Variants in HTR2C observed in about 807,000 individuals in gnomAD.
HTR2C encodes the protein 5-hydroxytryptamine (serotonin) receptor 2C, G protein-coupled.
In HTR2C, 5 loss-of-function variants were observed where a neutral mutation model predicts 21.0. The observed-to-expected ratio is 0.24, with a 90% CI of 0.12 to 0.50. The LOEUF is 0.50. Among genes scored for constraint, HTR2C ranks in the 20% least tolerant of loss-of-function variants. The pLI is 0.98. For synonymous variants in HTR2C, 150 were observed against 145.3 expected, an observed-to-expected ratio of 1.03 and a Z score of -0.23; for missense variants, 271 against 371.2, an observed-to-expected ratio of 0.73 and a Z score of 2.22.
At chrX:114,862,797 A>G (rs781977776) in intron 5 of HTR2C, among the ~76,000 whole-genome samples, 2 of 111,098 alleles carry the variant, frequency 1.8e-5, no homozygotes, top group African/African-American at 6.5e-5. Context: ...ATTTTAAAAT[A>G]TACAATAGGT....
Position 114,722,031 on chromosome X carries a change from G to A in HTR2C, c.-79-4827G>A, listed in dbSNP as rs112062378. On this transcript the variant is annotated intron_variant, in intron 2 of 5. Coordinates refer to ENST00000276198, the MANE Select transcript of HTR2C (RefSeq NM_000868.4). ...TTTTTGGTTCCATATGAACTTTAAAGTATTTTTTTCCAATATTGTGAAGAA... is the reference window on the plus strand; with the variant it reads ...TTTTTGGTTCCATATGAACTTTAAAATATTTTTTTCCAATATTGTGAAGAA... Among the ~76,000 whole-genome samples, 930 of 109,925 alleles carry A rather than the reference G, an allele frequency of 8.5e-3. 11 individuals are homozygous for A. Among genetic ancestry groups the A allele is most frequent in the African/African-American group, 0.029 (879 of 30,169 alleles).
chrX:114,866,355 A>G (rs1398114640), intron 5 of HTR2C, among the ~76,000 whole-genome samples: 1 of 108,783 alleles, frequency 9.2e-6, no homozygotes, highest in African/African-American at 3.3e-5. Context: ...TTTGCTTCTA[A>G]GGTTTAATTA....
chrX:114,780,052 T>G (rs1464335344), intron 4 of HTR2C, among the ~76,000 whole-genome samples: 1 of 111,155 alleles, frequency 9.0e-6, no homozygotes, highest in Non-Finnish European at 1.9e-5. Flanking sequence ...ATAAAAACAA[T>G]ACAATATAAC....
chrX:114,612,373 ATGC>A (rs1407781686), intron 1 of HTR2C, among the ~76,000 whole-genome samples: 15 of 111,538 alleles, frequency 1.3e-4, no homozygotes, highest in Non-Finnish European at 1.9e-4. Context: ...TTTTTTGATC[ATGC>A]TTTATGTGTT....
rs1023836004 is a variant in HTR2C at position 114,782,398 on chromosome X, G to A, written c.349+50791G>A. On this transcript the variant is annotated intron_variant, in intron 4 of 5. Transcript: ENST00000276198. ...TGATGAATGTGTGAATAATTCTAATGAAATATTGACTTATAAAACAAAATT... is the reference window on the plus strand; with the variant it reads ...TGATGAATGTGTGAATAATTCTAATAAAATATTGACTTATAAAACAAAATT... Among the ~76,000 whole-genome samples the A allele has an allele frequency of 3.6e-5, 4 of 111,569 alleles. No individual in the cohort carries two copies. The Admixed American group carries it at 3.8e-4, about 11-fold the overall frequency.
At position 114,624,400 on chromosome X, in the gene HTR2C, A is replaced by T. The variant is rs782461341; in HGVS notation, c.-80+10519A>T. On this transcript the variant is annotated intron_variant, in intron 2 of 5. Coordinates refer to ENST00000276198, the MANE Select transcript of HTR2C (RefSeq NM_000868.4). ...ATCTCTGCAAATTCATTTTGACAAA[A>T]CACATCATATTCTCCTAGATATAAA... Among the ~76,000 whole-genome samples, 16 of 112,008 alleles carry T rather than the reference A, an allele frequency of 1.4e-4. No homozygotes were observed. The East Asian group carries it at 4.5e-3, about 31-fold the overall frequency.
At chrX:114,845,574 C>T (rs868934550) in intron 4 of HTR2C, among the ~76,000 whole-genome samples, 3 of 110,859 alleles carry the variant, frequency 2.7e-5, no homozygotes, top group South Asian at 3.7e-4. Flanking sequence ...TAAAACCAAA[C>T]GTTTTCCTTT....
chrX:114,605,323 AGAATTG>A lies in HTR2C; in HGVS notation c.-146-8490_-146-8485del, dbSNP rs1928361833. Among the ~76,000 whole-genome samples the A allele has an allele frequency of 3.6e-5, 4 of 110,586 alleles. No homozygotes were observed. In the South Asian group the frequency reaches 1.5e-3, roughly 42 times the overall value. On this transcript the variant is annotated intron_variant, in intron 1 of 5. Coordinates refer to ENST00000276198, the MANE Select transcript of HTR2C (RefSeq NM_000868.4). The stretch of plus-strand genomic sequence containing the variant: ...AGGGTGGAGGAGCAGAGGCTGAGGA[AGAATTG>A]GGACCTAGCTCGGCATGGCGAGGAG...
At chrX:114,805,660 CCATATATAT>C in intron 4 of HTR2C, among the ~76,000 whole-genome samples, 1 of 13,012 alleles carries the variant, frequency 7.7e-5, no homozygotes, top group South Asian at 5.7e-3. Context: ...CATATATATA[CCATATATAT>C]ACACCATATA....
Position 114,653,026 on chromosome X carries a change from A to T in HTR2C, c.-80+39145A>T, listed in dbSNP as rs1556408790. On this transcript the variant is annotated intron_variant, in intron 2 of 5. Transcript: ENST00000276198. The stretch of plus-strand genomic sequence containing the variant: ...CAGTCAATAAACTAAAACAAGAATT[A>T]TATCATCAATAAATCTTGTTATAAT... 2.8e-5 allele frequency among the ~76,000 whole-genome samples: 3 copies of T among 108,683 alleles called. No homozygotes were observed. The Admixed American group carries it at 3.0e-4, about 11-fold the overall frequency. The allele number at this position is 108,683 out of a possible 115,157, so 94.4% of individuals were successfully genotyped here. A position where few individuals can be genotyped will look rare whatever the true frequency, so the allele number is the denominator to read the frequency against.
chrX:114,823,687 G>A (rs1459331696), intron 4 of HTR2C: 10 of 275,688 alleles, frequency 3.6e-5, no homozygotes, highest in South Asian at 3.0e-4. Flanking sequence ...TTAGAGGAGG[G>A]TAGAGTACTG....
At chrX:114,687,587 GTTGACTTGT>G (rs1446349487) in intron 2 of HTR2C, among the ~76,000 whole-genome samples, 1 of 111,923 alleles carries the variant, frequency 8.9e-6, no homozygotes, top group Non-Finnish European at 1.9e-5. Flanking sequence ...AAAATTAACA[GTTGACTTGT>G]TTGTCTAATT....
chrX:114,664,579 C>T, intron 2 of HTR2C, among the ~76,000 whole-genome samples: 1 of 112,314 alleles, frequency 8.9e-6, no homozygotes, highest in South Asian at 3.7e-4. Context: ...CATAGTATTC[C>T]ATGGTGTCTA....
intron 5 of HTR2C, among the ~76,000 whole-genome samples, chrX:114,861,881 A>C (rs371862969): frequency 4.5e-5 from 5 of 111,452 alleles, no homozygotes; most frequent in East Asian, 5.7e-4. Flanking sequence ...TTGGATATTA[A>C]CCCTTTAACA....
intron 4 of HTR2C, among the ~76,000 whole-genome samples, chrX:114,783,973 A>G (rs2070145934): frequency 9.0e-6 from 1 of 111,201 alleles, no homozygotes; most frequent in African/African-American, 3.3e-5. Flanking sequence ...ATACATTGTC[A>G]AGAATAAGGC....
chrX:114,812,472 A>G (rs2070541864), intron 4 of HTR2C, among the ~76,000 whole-genome samples: 1 of 111,059 alleles, frequency 9.0e-6, no homozygotes, highest in South Asian at 3.9e-4. Flanking sequence ...GCTTACACCT[A>G]TAATCCCAGG....
chrX:114,812,333 G>T (rs1323258866), intron 4 of HTR2C, among the ~76,000 whole-genome samples: 3 of 111,325 alleles, frequency 2.7e-5, no homozygotes, highest in African/African-American at 9.8e-5. Context: ...CTCTACATGG[G>T]TTATAAACTT....
At chrX:114,787,686 G>A (rs1390954089) in intron 4 of HTR2C, among the ~76,000 whole-genome samples, 1 of 111,744 alleles carries the variant, frequency 8.9e-6, no homozygotes, top group Non-Finnish European at 1.9e-5. Flanking sequence ...GGTGGCTCAC[G>A]CCTGTAATCC....
intron 2 of HTR2C, among the ~76,000 whole-genome samples, chrX:114,687,174 A>G (rs782040962): frequency 8.9e-6 from 1 of 112,426 alleles, no homozygotes; most frequent in Non-Finnish European, 1.9e-5. Flanking sequence ...GGAAAATGCT[A>G]TGCAGAACAG....
Sources: allele counts gnomAD v4.1 joint callset (sites outside exome capture counted in the v4.1 genomes callset), GRCh38; gene constraint gnomAD v4.1.1; transcripts MANE v1.5; gene names NCBI Gene and HGNC (gene_info 2026-07-23, HGNC 2026-07-21).